EVL: variants seen among roughly 807,000 people sequenced by gnomAD.
EVL encodes the protein Enah/Vasp-like.
In EVL, 21 loss-of-function variants were observed where a neutral mutation model predicts 59.6. The ratio of observed to expected loss-of-function variants is 0.35; its 90% confidence interval spans 0.25 to 0.51. The LOEUF (loss-of-function observed/expected upper bound fraction) is 0.51. Ranked by LOEUF, EVL falls within the 20% of genes least tolerant of loss-of-function variation. EVL has a pLI of 0.97. For missense variants in EVL, 462 were observed against 546.6 expected (o/e 0.85, Z 1.54); for synonymous variants, 198 against 203.5 (o/e 0.97, Z 0.23).
chr14:99,980,283 T>C (rs933069358), intron 1 of EVL, among the ~76,000 whole-genome samples: 2 of 152,222 alleles, frequency 1.3e-5, no homozygotes, highest in Non-Finnish European at 2.9e-5. Context: ...GTAGTTTATG[T>C]GGTAGAGATA....
At chr14:100,033,534 A>G (rs1365312707) in intron 1 of EVL, among the ~76,000 whole-genome samples, 1 of 152,234 alleles carries the variant, frequency 6.6e-6, no homozygotes, top group African/African-American at 2.4e-5. Flanking sequence ...ATCATTCCAT[A>G]GCTGCTTTCT....
chr14:100,087,794 C>CTCT (rs1555422861), intron 2 of EVL, among the ~76,000 whole-genome samples: 2 of 152,134 alleles, frequency 1.3e-5, no homozygotes, highest in Non-Finnish European at 1.5e-5. Context: ...CTCTGCTCTG[C>CTCT]GTGGGTCATT....
intron 1 of EVL, among the ~76,000 whole-genome samples, chr14:100,047,292 T>C (rs1197351013): frequency 6.6e-6 from 1 of 151,980 alleles, no homozygotes; most frequent in East Asian, 1.9e-4. Context: ...ATTGGCTAGA[T>C]GGCCAATGGC....
intron 1 of EVL, among the ~76,000 whole-genome samples, chr14:100,073,008 T>C (rs1460483434): frequency 6.6e-6 from 1 of 152,132 alleles, no homozygotes; most frequent in Admixed American, 6.5e-5. Flanking sequence ...CAGAATGTTT[T>C]TCAGTTCTGA....
chr14:99,980,147 C>A (rs550425290), intron 1 of EVL, among the ~76,000 whole-genome samples: 2 of 152,290 alleles, frequency 1.3e-5, no homozygotes, highest in South Asian at 4.1e-4. Flanking sequence ...GAACCAGTCT[C>A]CTGTGGATAC....
intron 1 of EVL, among the ~76,000 whole-genome samples, chr14:100,066,745 T>C (rs61984500): frequency 0.031 from 4,790 of 152,334 alleles, 122 homozygotes; most frequent in Non-Finnish European, 0.049. Flanking sequence ...CAGAAAATTA[T>C]ATCAAAAGTA....
intron 1 of EVL, among the ~76,000 whole-genome samples, chr14:100,069,467 G>A (rs1379717868): frequency 1.3e-5 from 2 of 152,172 alleles, no homozygotes; most frequent in African/African-American, 4.8e-5. Flanking sequence ...GGAACACCTG[G>A]TGTTTCCTTT....
chr14:100,026,535 T>C (rs953777433), intron 1 of EVL, among the ~76,000 whole-genome samples: 1 of 152,152 alleles, frequency 6.6e-6, no homozygotes, highest in Non-Finnish European at 1.5e-5. Context: ...TGGCACGTGC[T>C]CCACAGATGT....
upstream of EVL, among the ~76,000 whole-genome samples, chr14:100,063,153 G>A (rs375580375): frequency 6.6e-6 from 1 of 152,168 alleles, no homozygotes; most frequent in Admixed American, 6.5e-5. Flanking sequence ...CTCTGCAGAC[G>A]TGATTAAAGT....
rs1212887870 is a variant in EVL at position 100,108,499 on chromosome 14, C to A, written c.358+10841C>A. Among the ~76,000 whole-genome samples, 2 of 152,152 alleles carry A rather than the reference C, an allele frequency of 1.3e-5. No homozygotes were observed. The highest frequency in any genetic ancestry group is 2.9e-5 in the Non-Finnish European group (2 of 68,024). On this transcript the variant is annotated intron_variant, in intron 3 of 13. Transcript: ENST00000392920. This position sits in a 1 kb window ranked among gnomAD's most constrained non-coding sequence, Gnocchi z 4.1. ...CTGCCTGCTCCCAGCTGCCCTCTGG[C>A]GGCCACTTTCTGAAAGCCGGATATG...
At chr14:100,066,314 T>G (rs538053871) in intron 1 of EVL, 1 of 152,360 alleles carries the variant, frequency 6.6e-6, no homozygotes, top group Non-Finnish European at 1.5e-5. Context: ...CGTGTTAGAT[T>G]GATGAGAACG....
chr14:99,997,156 G>A (rs761191611), intron 1 of EVL, among the ~76,000 whole-genome samples: 5 of 152,154 alleles, frequency 3.3e-5, no homozygotes, highest in East Asian at 1.9e-4. Context: ...TCTTTATTAC[G>A]CATTCCTTTT....
At chr14:99,976,325 A>T (rs1467426611) in intron 1 of EVL, among the ~76,000 whole-genome samples, 1 of 152,080 alleles carries the variant, frequency 6.6e-6, no homozygotes, top group East Asian at 1.9e-4. Context: ...TACAGGCATG[A>T]GCCATTGTGC....
At chr14:100,003,408 A>AT (rs1213067618) in intron 1 of EVL, among the ~76,000 whole-genome samples, 3 of 152,090 alleles carry the variant, frequency 2.0e-5, no homozygotes, top group Non-Finnish European at 4.4e-5. Flanking sequence ...TAATTTTATT[A>AT]TTTTTTATTT....
intron 1 of EVL, among the ~76,000 whole-genome samples, chr14:100,067,928 G>A (rs2061968012): frequency 6.6e-6 from 1 of 152,184 alleles, no homozygotes; most frequent in African/African-American, 2.4e-5. Flanking sequence ...TGGGATCTCA[G>A]GTGAACTTTG....
At chr14:100,052,047 C>G (rs2061656036) in intron 1 of EVL, among the ~76,000 whole-genome samples, 1 of 152,220 alleles carries the variant, frequency 6.6e-6, no homozygotes, top group Non-Finnish European at 1.5e-5. Flanking sequence ...CAAAGAAGGT[C>G]TCTGTAAAAA....
chr14:99,999,033 TTTATAAA>T (rs1011236448), intron 1 of EVL, among the ~76,000 whole-genome samples: 24 of 124,262 alleles, frequency 1.9e-4, no homozygotes, highest in African/African-American at 8.3e-4. Context: ...TACTTTATAA[TTTATAAA>T]TTATAGTAAT....
chr14:100,077,621 A>G (rs1394519490), intron 1 of EVL, among the ~76,000 whole-genome samples: 2 of 152,160 alleles, frequency 1.3e-5, no homozygotes, highest in African/African-American at 4.8e-5. Context: ...AGTTTCCTTC[A>G]TGGACCATTT....
At chr14:100,132,696 A>T (rs1469051245) in intron 7 of EVL, 23 bp from the exon 8 acceptor site, 1 of 1,613,834 alleles carries the variant, frequency 6.2e-7, no homozygotes, top group East Asian at 2.2e-5. Flanking sequence ...GCTGATCTGT[A>T]TCTTCCCCTT....
Sources: gnomAD v4.1 joint callset for allele counts (sites outside exome capture counted in the v4.1 genomes callset) on GRCh38, gnomAD v4.1.1 for gene constraint, Gnocchi (gnomAD v3.1) non-coding constraint, MANE v1.5 for transcripts, NCBI Gene and HGNC (gene_info 2026-07-23, HGNC 2026-07-21) for gene names.